The following CFAP47 variants were observed in gnomAD, a reference collection of about 807,000 sequenced individuals.
CFAP47 encodes cilia- and flagella-associated protein 47.
CFAP47 carries 29 observed loss-of-function variants against 148.1 expected under a neutral mutation model. That is an observed-to-expected ratio of 0.20 (90% CI 0.15 to 0.27). The LOEUF (loss-of-function observed/expected upper bound fraction) is 0.27. Among genes scored for constraint, CFAP47 ranks in the 10% least tolerant of loss-of-function variants. The pLI is 1.00. For synonymous variants in CFAP47, 664 were observed against 577.3 expected (o/e 1.15, Z -2.15); for missense variants, 1,872 against 1,697.5 (o/e 1.10, Z -1.81).
chrX:35,924,285 A>G (rs749076001), intron 1 of CFAP47, among the ~76,000 whole-genome samples: 2 of 101,966 alleles, frequency 2.0e-5, no homozygotes, highest in East Asian at 3.0e-4. Flanking sequence ...GTGTATATGT[A>G]CATGTATGTG....
intron 39 of CFAP47, among the ~76,000 whole-genome samples, chrX:36,169,759 C>G (rs1939542559): frequency 9.0e-6 from 1 of 111,192 alleles, no homozygotes; most frequent in Non-Finnish European, 1.9e-5. Flanking sequence ...TCTTTTCCCC[C>G]ATATGTTCCT....
intron 56 of CFAP47, among the ~76,000 whole-genome samples, chrX:36,314,081 G>A (rs1941414605): frequency 9.0e-6 from 1 of 111,446 alleles, no homozygotes; most frequent in East Asian, 2.8e-4. Flanking sequence ...AATATCAAAA[G>A]ACATTATTTC....
chrX:35,953,625 T>C lies in CFAP47; in HGVS notation c.1080T>C (p.Pro360=). Residue 360 remains proline, a synonymous_variant, in exon 7 of 64, where the codon CCT becomes CCC. Coordinates refer to ENST00000378653, the MANE Select transcript of CFAP47 (RefSeq NM_001304548.2). ...CTGTTGGTAAAAAGGATATTGGACC[T>C]TCATACAGACAGGACTATGCTCTCT... The part of the protein sequence containing the change: ...LMAVGKKDIG[P]SYRQDYALFL... 8.4e-7 allele frequency: 1 copy of C among 1,197,280 alleles called. No homozygotes were observed. Among genetic ancestry groups the C allele is most frequent in the South Asian group, 1.8e-5 (1 of 54,729 alleles).
intron 27 of CFAP47, among the ~76,000 whole-genome samples, chrX:36,068,601 GGA>G (rs1339129100): frequency 9.0e-6 from 1 of 111,442 alleles, no homozygotes; most frequent in Non-Finnish European, 1.9e-5. Context: ...TTGGCAGAGT[GGA>G]GATATATAGG....
intron 39 of CFAP47, among the ~76,000 whole-genome samples, chrX:36,176,217 A>G (rs910098136): frequency 9.0e-6 from 1 of 111,262 alleles, no homozygotes; most frequent in Non-Finnish European, 1.9e-5. Context: ...CCCTAGTGAG[A>G]TGAACCCCGT....
intron 60 of CFAP47, among the ~76,000 whole-genome samples, chrX:36,355,641 A>G (rs782668543): frequency 2.7e-5 from 3 of 112,029 alleles, no homozygotes; most frequent in Admixed American, 9.5e-5. Flanking sequence ...TTAATATGAT[A>G]AATTTGAAAT....
chrX:36,305,505 A>G (rs1432993927), intron 54 of CFAP47, among the ~76,000 whole-genome samples: 3 of 111,715 alleles, frequency 2.7e-5, no homozygotes, highest in Non-Finnish European at 5.7e-5. Context: ...CTAGTCCATT[A>G]ATTCTTCTAT....
At chrX:36,250,684 T>C (rs1168951569) in intron 48 of CFAP47, among the ~76,000 whole-genome samples, 1 of 110,523 alleles carries the variant, frequency 9.0e-6, no homozygotes, top group Admixed American at 9.7e-5. Flanking sequence ...TTATATACAA[T>C]TTCTCATCCA....
chrX:36,371,746 G>GTATATACACATATGTGTA (rs1941952013), intron 62 of CFAP47, among the ~76,000 whole-genome samples: 1 of 52,373 alleles, frequency 1.9e-5, no homozygotes, highest in Non-Finnish European at 3.4e-5. Flanking sequence ...ATATATGTGT[G>GTATATACACATATGTGTA]TATATACACA....
intron 62 of CFAP47, 29 bp from the exon 63 acceptor site, chrX:36,379,321 C>T (rs1942055304): frequency 1.7e-6 from 2 of 1,152,678 alleles, no homozygotes; most frequent in Non-Finnish European, 1.2e-6. Flanking sequence ...ACGAAATTTA[C>T]TAAGTTGAAT....
At chrX:36,235,075 G>C (rs186670173) in intron 46 of CFAP47, among the ~76,000 whole-genome samples, 13 of 111,358 alleles carry the variant, frequency 1.2e-4, no homozygotes, top group African/African-American at 3.9e-4. Context: ...GGTCAGGGAC[G>C]CACTTGAGGA....
At chrX:36,163,413 A>G (rs1939452535) in intron 39 of CFAP47, among the ~76,000 whole-genome samples, 1 of 109,537 alleles carries the variant, frequency 9.1e-6, no homozygotes, top group Non-Finnish European at 1.9e-5. Context: ...ACTTTTTTGG[A>G]TATTAATTAT....
At chrX:36,122,274 G>A (rs903274420) in intron 33 of CFAP47, among the ~76,000 whole-genome samples, 1 of 110,977 alleles carries the variant, frequency 9.0e-6, no homozygotes, top group Non-Finnish European at 1.9e-5. Context: ...ATTGCTGGGG[G>A]TAGTCTTCTT....
chrX:36,093,361 T>A (rs912224667), intron 30 of CFAP47, among the ~76,000 whole-genome samples: 16 of 111,646 alleles, frequency 1.4e-4, no homozygotes, highest in African/African-American at 4.9e-4. Context: ...TTGTACTAAT[T>A]TACATTACCA....
Position 36,071,884 on chromosome X carries a change from A to G in CFAP47, c.4378A>G (p.Lys1460Glu), listed in dbSNP as rs1298794451. 5.0e-6 allele frequency: 6 copies of G among 1,203,370 alleles called. No homozygotes were observed. Among genetic ancestry groups the G allele is most frequent in the African/African-American group, 1.8e-5 (1 of 57,066 alleles). The change falls in exon 28 of 64, where the codon AAA becomes GAA. Residue 1460 changes from lysine (K) to glutamate (E), a missense_variant. By Grantham distance (56) the Lys-to-Glu change is moderately conservative. Coordinates refer to ENST00000378653, the MANE Select transcript of CFAP47 (RefSeq NM_001304548.2). ...TGTTTTGCCTCCCTACCAGGATGCT[A>G]AACCACCCTCTCCTGCTTCAATTAA... Reference protein sequence around the residue: ...DGVLPPYQDAKPPSPASIKKT... With the variant: ...DGVLPPYQDAEPPSPASIKKT...
chrX:36,108,964 C>G (rs1938509816), intron 33 of CFAP47, among the ~76,000 whole-genome samples: 1 of 110,819 alleles, frequency 9.0e-6, no homozygotes, highest in South Asian at 3.9e-4. Flanking sequence ...ATCCTCCACC[C>G]TCCTGTAGGC....
chrX:36,210,499 C>T (rs782505598), intron 45 of CFAP47, among the ~76,000 whole-genome samples: 1 of 112,114 alleles, frequency 8.9e-6, no homozygotes, highest in African/African-American at 3.2e-5. Context: ...CATTTGTATA[C>T]CTTATTTGTA....
At chrX:36,210,726 T>G (rs73629593) in intron 45 of CFAP47, among the ~76,000 whole-genome samples, 2,339 of 112,209 alleles carry the variant, frequency 0.021, 62 homozygotes, top group African/African-American at 0.072. Flanking sequence ...CCAGTTTAAC[T>G]GTTTTTGTTG....
chrX:36,213,812 C>T (rs1380417229), intron 45 of CFAP47, among the ~76,000 whole-genome samples: 2 of 111,965 alleles, frequency 1.8e-5, no homozygotes, highest in Non-Finnish European at 3.8e-5. Flanking sequence ...TAGTTTGAGT[C>T]CCCTAGAAAA....
Sources: gnomAD v4.1 joint callset for allele counts (sites outside exome capture counted in the v4.1 genomes callset) on GRCh38, gnomAD v4.1.1 for gene constraint, MANE v1.5 for transcripts, NCBI Gene and HGNC (gene_info 2026-07-23, HGNC 2026-07-21) for gene names.